FNDC1: variants seen among roughly 807,000 people sequenced by gnomAD.
FNDC1 encodes the protein fibronectin type III domain-containing protein 1.
In FNDC1, 96 loss-of-function variants were observed where a neutral mutation model predicts 168.0. The observed-to-expected ratio is 0.57, with a 90% CI of 0.48 to 0.68. The LOEUF (loss-of-function observed/expected upper bound fraction) is 0.68. Ranked by LOEUF, FNDC1 falls within the 30% of genes least tolerant of loss-of-function variation. The pLI is 0.00. For missense variants in FNDC1, 2,587 were observed against 2,482.1 expected, an observed-to-expected ratio of 1.04 and a Z score of -0.90; for synonymous variants, 1,099 against 1,025.9, an observed-to-expected ratio of 1.07 and a Z score of -1.36.
chr6:159,268,821 CATCT>C (rs59375644), intron 22 of FNDC1, among the ~76,000 whole-genome samples: 6,377 of 145,908 alleles, frequency 0.044, 265 homozygotes, highest in African/African-American at 0.11. Context: ...TCTATCTATT[CATCT>C]ATCTATCTAT....
chr6:159,243,505 C>T (rs544561601), intron 14 of FNDC1, among the ~76,000 whole-genome samples: 1 of 152,112 alleles, frequency 6.6e-6, no homozygotes, highest in African/African-American at 2.4e-5. Flanking sequence ...GGAGCAAAAG[C>T]CTTACTTCTT....
intron 14 of FNDC1, among the ~76,000 whole-genome samples, chr6:159,242,422 A>C (rs1214728558): frequency 6.6e-6 from 1 of 152,200 alleles, no homozygotes; most frequent in Admixed American, 6.5e-5. Flanking sequence ...CTGTCCAGCA[A>C]ACCACCATGG....
At chr6:159,190,224 G>T (rs1013300466) in intron 1 of FNDC1, among the ~76,000 whole-genome samples, 3 of 152,174 alleles carry the variant, frequency 2.0e-5, no homozygotes, top group African/African-American at 7.2e-5. Context: ...CAACCAGCTG[G>T]GGATGTTCAG....
intron 1 of FNDC1, among the ~76,000 whole-genome samples, chr6:159,189,735 T>C (rs149584509): frequency 3.9e-4 from 59 of 152,328 alleles, no homozygotes; most frequent in African/African-American, 1.4e-3. Flanking sequence ...TTAATTTCTT[T>C]CGGTTTTGAG....
intron 15 of FNDC1, among the ~76,000 whole-genome samples, chr6:159,247,273 A>T: frequency 6.8e-6 from 1 of 147,448 alleles, no homozygotes; most frequent in Non-Finnish European, 1.5e-5. Flanking sequence ...GGAGTTATCC[A>T]TCTGGGCTCC....
In FNDC1 at chr6:159,266,194, G is replaced by T. The variant is rs1441521560; in HGVS notation, c.5395G>T (p.Val1799Phe). The T allele has an allele frequency of 6.2e-7, 1 of 1,614,012 alleles. No homozygotes were observed. The highest frequency in any genetic ancestry group is 8.5e-7 in the Non-Finnish European group (1 of 1,179,882). Reference protein sequence around the residue: ...RTWYRKFVGVVLCNSLRYKIY... With the variant: ...RTWYRKFVGVFLCNSLRYKIY... ...GTGGTATCGAAAGTTCGTGGGAGTT[G>T]TTCTTTGTAATTCACTGAGGTATAA... The change falls in exon 21 of 23, where the codon GTT (valine) becomes TTT (phenylalanine). Residue 1799 changes from valine to phenylalanine, a missense_variant. Transcript: ENST00000297267.
intron 1 of FNDC1, among the ~76,000 whole-genome samples, chr6:159,194,807 A>T (rs1782209981): frequency 6.6e-6 from 1 of 152,112 alleles, no homozygotes; most frequent in Non-Finnish European, 1.5e-5. Flanking sequence ...CTCAGAGCTG[A>T]GGCACTGCGG....
chr6:159,232,524 C>G lies in FNDC1; in HGVS notation c.2012C>G (p.Ser671Cys), dbSNP rs764669149. 2 of 1,612,080 alleles carry G rather than the reference C, an allele frequency of 1.2e-6. No individual in the cohort carries two copies. The highest frequency in any genetic ancestry group is 8.5e-7 in the Non-Finnish European group (1 of 1,179,298). The change falls in exon 11 of 23, where the codon TCC (serine) becomes TGC (cysteine). Residue 671 changes from serine (S) to cysteine (C), a missense_variant. Physicochemically the swap from Ser to Cys is moderately radical, Grantham distance 112. Transcript: ENST00000297267. This position sits in a 1 kb window ranked among gnomAD's most constrained non-coding sequence, Gnocchi z 4.9. The stretch of plus-strand genomic sequence containing the variant: ...TTCGCCCAGCCCCGGCCAGCCCTGT[C>G]CCCCAGCCGCCAGTCCCCGTCCAGC... Reference protein sequence around the residue: ...GAFAQPRPALSPSRQSPSSVL... With the variant: ...GAFAQPRPALCPSRQSPSSVL...
At chr6:159,243,432 A>G (rs941184884) in intron 14 of FNDC1, 14 of 152,210 alleles carry the variant, frequency 9.2e-5, no homozygotes, top group Admixed American at 7.2e-4. Context: ...AATGGCTGTC[A>G]TTTACCTTCT....
chr6:159,176,736 TG>T (rs1418555207), intron 1 of FNDC1, among the ~76,000 whole-genome samples: 2 of 151,998 alleles, frequency 1.3e-5, no homozygotes, highest in Admixed American at 6.6e-5. Flanking sequence ...TGCCATAAGG[TG>T]GCATGTCGCT....
At chr6:159,199,526 T>C (rs1782328045) in intron 2 of FNDC1, among the ~76,000 whole-genome samples, 1 of 152,230 alleles carries the variant, frequency 6.6e-6, no homozygotes, top group Non-Finnish European at 1.5e-5. Context: ...AGTGAAGATT[T>C]CCCATGTGCT....
In FNDC1 at chr6:159,215,045, T is replaced by A. The variant is rs1782682508; in HGVS notation, c.561T>A (p.Ser187Arg). The A allele has an allele frequency of 6.2e-7, 1 of 1,613,720 alleles. No individual in the cohort carries two copies. Among genetic ancestry groups the A allele is most frequent in the Admixed American group, 1.7e-5 (1 of 59,984 alleles). ...WKAPRLSGAK[S>R]PRRSRGFLLG... The stretch of plus-strand genomic sequence containing the variant: ...CACCACGCCTGTCTGGAGCCAAGAG[T>A]CCACGCAGATCACGGGGTTTTCTCC... The change falls in exon 5 of 23, where the codon AGT becomes AGA. Residue 187 changes from serine to arginine, a missense_variant. Transcript: ENST00000297267.
chr6:159,238,452 T>G, intron 12 of FNDC1, 102 bp from the exon 13 acceptor site: 1 of 714,496 alleles, frequency 1.4e-6, no homozygotes, highest in Admixed American at 3.1e-5. Flanking sequence ...CACATTACGG[T>G]TTCCTTCTGT....
intron 1 of FNDC1, among the ~76,000 whole-genome samples, chr6:159,187,239 A>G (rs1782022601): frequency 6.6e-6 from 1 of 152,310 alleles, no homozygotes; most frequent in Admixed American, 6.5e-5. Context: ...TGGATTGGGC[A>G]GTGAGGAATG....
chr6:159,232,528 C>A lies in FNDC1; in HGVS notation c.2016C>A (p.Pro672=), dbSNP rs1270122040. 7 of 1,612,222 alleles carry A rather than the reference C, an allele frequency of 4.3e-6. No homozygotes were observed. The highest frequency in any genetic ancestry group is 1.3e-5 in the African/African-American group (1 of 74,924). ...CCCAGCCCCGGCCAGCCCTGTCCCC[C>A]AGCCGCCAGTCCCCGTCCAGCGTTC... ...AFAQPRPALS[P]SRQSPSSVLR... Residue 672 remains proline (P), a synonymous_variant, in exon 11 of 23, where the codon CCC becomes CCA. Coordinates refer to ENST00000297267, the MANE Select transcript of FNDC1 (RefSeq NM_032532.3). The surrounding 1 kb of genome is among the most constrained non-coding windows in gnomAD (Gnocchi z 4.9).
intron 18 of FNDC1, among the ~76,000 whole-genome samples, chr6:159,257,895 G>C (rs1777407643): frequency 7.2e-6 from 1 of 138,482 alleles, no homozygotes; most frequent in South Asian, 2.4e-4. Context: ...AGAGAAAATG[G>C]AGTCAATGTC....
At chr6:159,180,901 G>T (rs553108978) in intron 1 of FNDC1, among the ~76,000 whole-genome samples, 2 of 152,242 alleles carry the variant, frequency 1.3e-5, no homozygotes, top group African/African-American at 4.8e-5. Flanking sequence ...AGACTGGGTT[G>T]ATTTCATGTC....
intron 1 of FNDC1, among the ~76,000 whole-genome samples, chr6:159,171,724 A>G (rs1309759288): frequency 6.6e-6 from 1 of 152,164 alleles, no homozygotes; most frequent in Non-Finnish European, 1.5e-5. Flanking sequence ...CAAACATTAA[A>G]ATTATGATGG....
intron 10 of FNDC1, 67 bp from the exon 11 acceptor site, chr6:159,231,813 CTG>C: frequency 7.4e-7 from 1 of 1,344,868 alleles, no homozygotes; most frequent in Admixed American, 2.6e-5. Context: ...GTTTTAAATA[CTG>C]TGTCTCACCT....
Sources: gnomAD v4.1 joint callset for allele counts (sites outside exome capture counted in the v4.1 genomes callset) on GRCh38, gnomAD v4.1.1 for gene constraint, Gnocchi (gnomAD v3.1) non-coding constraint, MANE v1.5 for transcripts, NCBI Gene and HGNC (gene_info 2026-07-23, HGNC 2026-07-21) for gene names.